CUX1: variants seen among roughly 807,000 people sequenced by gnomAD.
CUX1 encodes the protein protein CASP.
Under a neutral mutation model 158.8 loss-of-function variants are expected in CUX1, and 31 were observed. The ratio of observed to expected loss-of-function variants is 0.20; its 90% CI spans 0.15 to 0.26. CUX1 has a LOEUF of 0.26. Ranked by LOEUF, CUX1 falls within the 10% of genes least tolerant of loss-of-function variation. The pLI is 1.00. For synonymous variants in CUX1, 879 were observed against 862.1 expected (o/e 1.02, Z -0.34); for missense variants, 1,589 against 2,014.6 (o/e 0.79, Z 4.04).
chr7:102,281,881 C>T (rs1554549367), exon 21 of CUX1: 3 of 1,613,720 alleles, frequency 1.9e-6, no homozygotes, highest in East Asian at 2.2e-5. Context: ...GCACCATCGG[C>T]TTCTTCTACA....
intron 2 of CUX1, among the ~76,000 whole-genome samples, chr7:101,966,804 A>G (rs1811276921): frequency 6.6e-6 from 1 of 151,972 alleles, no homozygotes; most frequent in African/African-American, 2.4e-5. Context: ...TTCCCTTCTG[A>G]TCAGGTGCAC....
At chr7:101,975,688 A>T (rs1358119780) in intron 2 of CUX1, among the ~76,000 whole-genome samples, 1 of 152,240 alleles carries the variant, frequency 6.6e-6, no homozygotes, top group Admixed American at 6.5e-5. Flanking sequence ...CAAAAAATAT[A>T]TATTGCCTTA....
intron 2 of CUX1, among the ~76,000 whole-genome samples, chr7:101,994,964 G>A (rs1815655273): frequency 1.3e-5 from 2 of 151,978 alleles, no homozygotes; most frequent in South Asian, 4.2e-4. Flanking sequence ...GGGCATGGTG[G>A]CACATGCCAT....
At chr7:101,997,366 C>T (rs1303631403) in intron 2 of CUX1, among the ~76,000 whole-genome samples, 1 of 152,150 alleles carries the variant, frequency 6.6e-6, no homozygotes, top group Non-Finnish European at 1.5e-5. Flanking sequence ...TTCTCTGAGA[C>T]GGAGCCTCAC....
At chr7:101,922,618 C>T (rs1201478522) in intron 2 of CUX1, among the ~76,000 whole-genome samples, 3 of 152,180 alleles carry the variant, frequency 2.0e-5, no homozygotes, top group Non-Finnish European at 4.4e-5. Context: ...GTCACCTCTA[C>T]TCTCCTTCTC....
chr7:101,839,954 G>C (rs62463721), intron 1 of CUX1, among the ~76,000 whole-genome samples: 9,976 of 152,184 alleles, frequency 0.066, 410 homozygotes, highest in Middle Eastern at 0.11. Flanking sequence ...TACAGATGGG[G>C]TTTCACCATG....
At chr7:101,856,003 G>C (rs1452054060) in intron 1 of CUX1, among the ~76,000 whole-genome samples, 2 of 151,488 alleles carry the variant, frequency 1.3e-5, no homozygotes, top group Non-Finnish European at 2.9e-5. Context: ...AACATAGCAA[G>C]AACCCGTCTG....
At chr7:101,854,639 T>C (rs1230474429) in intron 1 of CUX1, among the ~76,000 whole-genome samples, 1 of 152,248 alleles carries the variant, frequency 6.6e-6, no homozygotes, top group Admixed American at 6.5e-5. Flanking sequence ...AATGACACCC[T>C]GTCTCCCATT....
At chr7:102,164,422 G>A (rs925716910) in intron 9 of CUX1, among the ~76,000 whole-genome samples, 10 of 152,236 alleles carry the variant, frequency 6.6e-5, no homozygotes, top group East Asian at 1.9e-4. Context: ...AGGCTGGAGC[G>A]CAGTGGCATG....
At chr7:102,050,775 T>TCC (rs1823400289) in intron 3 of CUX1, among the ~76,000 whole-genome samples, 1 of 151,892 alleles carries the variant, frequency 6.6e-6, no homozygotes, top group Non-Finnish European at 1.5e-5. Context: ...TGATCATAGC[T>TCC]CACTGCAGCC....
At chr7:102,053,105 C>T (rs1389861033) in intron 3 of CUX1, among the ~76,000 whole-genome samples, 2 of 152,264 alleles carry the variant, frequency 1.3e-5, no homozygotes, top group African/African-American at 4.8e-5. Context: ...CCACCGCAGC[C>T]GGCCCCATTA....
chr7:101,912,756 C>T (rs1440561390), intron 1 of CUX1, among the ~76,000 whole-genome samples: 5 of 152,154 alleles, frequency 3.3e-5, no homozygotes, highest in African/African-American at 4.8e-5. Context: ...TACAATACAC[C>T]GTGTTTTTTT....
At chr7:102,154,243 G>A (rs77418797) in intron 8 of CUX1, 4,858 of 152,296 alleles carry the variant, frequency 0.032, 113 homozygotes, top group Non-Finnish European at 0.049. Context: ...AGATGTAGAT[G>A]TTAGAAAGAA....
intron 4 of CUX1, among the ~76,000 whole-genome samples, chr7:102,092,809 A>G (rs1211492684): frequency 1.3e-5 from 2 of 148,288 alleles, no homozygotes; most frequent in Non-Finnish European, 3.0e-5. Context: ...GATACTTGGG[A>G]GGCTGAGGCA....
intron 1 of CUX1, among the ~76,000 whole-genome samples, chr7:101,867,880 T>G (rs891793044): frequency 3.9e-5 from 6 of 151,978 alleles, no homozygotes; most frequent in Non-Finnish European, 8.8e-5. Flanking sequence ...AGTGGCACGA[T>G]CTCAGCTCTT....
intron 21 of CUX1, among the ~76,000 whole-genome samples, chr7:102,233,313 G>C (rs1198873250): frequency 2.0e-5 from 3 of 150,896 alleles, no homozygotes; most frequent in Non-Finnish European, 2.9e-5. Flanking sequence ...AGCCTCCTAA[G>C]TAGCTGGAAC....
chr7:101,830,817 T>G (rs929439824), intron 1 of CUX1, among the ~76,000 whole-genome samples: 2 of 152,102 alleles, frequency 1.3e-5, no homozygotes, highest in Non-Finnish European at 2.9e-5. Flanking sequence ...TGTTAAAAAT[T>G]TATAAATTTA....
At chr7:102,165,906 A>T (rs568451714) in intron 9 of CUX1, among the ~76,000 whole-genome samples, 1 of 152,216 alleles carries the variant, frequency 6.6e-6, no homozygotes, top group African/African-American at 2.4e-5. Flanking sequence ...CCATCTCTGT[A>T]TTTGCTGGCT....
chr7:102,042,160 G>A (rs773295869), intron 3 of CUX1, among the ~76,000 whole-genome samples: 2 of 152,126 alleles, frequency 1.3e-5, no homozygotes, highest in Non-Finnish European at 2.9e-5. Context: ...ATTAGAGAAG[G>A]TTGGACCAGA....
Sources: gnomAD v4.1 joint callset for allele counts (sites outside exome capture counted in the v4.1 genomes callset) on GRCh38, gnomAD v4.1.1 for gene constraint, MANE v1.5 for transcripts, NCBI Gene and HGNC (gene_info 2026-07-23, HGNC 2026-07-21) for gene names.